The following PAIP2B variants were observed in gnomAD, a reference collection of about 807,000 sequenced individuals.
The protein encoded by PAIP2B is polyadenylate-binding protein-interacting protein 2B.
In PAIP2B, 13 loss-of-function variants were observed where a neutral mutation model predicts 17.0. The ratio of observed to expected loss-of-function variants is 0.76; its 90% CI spans 0.50 to 1.22. PAIP2B has a LOEUF of 1.22. Ranked by LOEUF, PAIP2B falls within the 50% of genes most tolerant of loss-of-function variation. The pLI is 0.00. For missense variants in PAIP2B, 117 were observed against 144.5 expected (o/e 0.81, Z 0.98); for synonymous variants, 43 against 48.7 (o/e 0.88, Z 0.48).
chr2:71,216,344 C>T (rs553276414), intron 1 of PAIP2B, among the ~76,000 whole-genome samples: 1 of 152,270 alleles, frequency 6.6e-6, no homozygotes, highest in South Asian at 2.1e-4. Context: ...AATCTCCTGG[C>T]CTCTCTAAGC....
intron 1 of PAIP2B, among the ~76,000 whole-genome samples, chr2:71,217,903 C>CA (rs1675471396): frequency 1.3e-5 from 2 of 152,028 alleles, no homozygotes; most frequent in South Asian, 2.1e-4. Flanking sequence ...CTTATCTCTA[C>CA]AAAAAATTTT....
rs1307642725 is a variant in PAIP2B, at chr2:71,192,891, G to A, written c.139-2870C>T. The stretch of plus-strand genomic sequence containing the variant: ...TGTCTTTGCTATTGTGAACAGTGCT[G>A]CAATGAACATTTGTGTACATGTGTC... On this transcript the variant is annotated intron_variant, in intron 2 of 3. Coordinates refer to ENST00000244221, the MANE Select transcript of PAIP2B (RefSeq NM_020459.1). Among the ~76,000 whole-genome samples, 16 of 152,134 alleles carry A rather than the reference G, an allele frequency of 1.1e-4. 1 individual carries two copies. The highest frequency in any genetic ancestry group is 1.0e-3 in the Admixed American group (16 of 15,268).
intron 2 of PAIP2B, among the ~76,000 whole-genome samples, chr2:71,198,452 AT>A (rs1674886789): frequency 6.6e-6 from 1 of 151,754 alleles, no homozygotes; most frequent in African/African-American, 2.4e-5. Context: ...CGCCCGGCTA[AT>A]TTTTTGTATT....
intron 1 of PAIP2B, among the ~76,000 whole-genome samples, chr2:71,219,428 T>C (rs1675521135): frequency 6.6e-6 from 1 of 152,210 alleles, no homozygotes; most frequent in African/African-American, 2.4e-5. Context: ...GGATGTGCAC[T>C]ACACAAAGCT....
intron 2 of PAIP2B, among the ~76,000 whole-genome samples, chr2:71,193,729 C>A (rs1213150336): frequency 6.6e-6 from 1 of 152,036 alleles, no homozygotes; most frequent in Non-Finnish European, 1.5e-5. Context: ...TGGCAGGCAC[C>A]TGTAGTCCCA....
intron 2 of PAIP2B, among the ~76,000 whole-genome samples, chr2:71,201,008 G>GGT (rs70959217): frequency 0.012 from 397 of 32,344 alleles, 1 homozygote; most frequent in Admixed American, 0.033. Flanking sequence ...TGTGTGTGTG[G>GGT]GTGTGTGTGT....
chr2:71,196,417 T>C (rs1314785479), intron 2 of PAIP2B, among the ~76,000 whole-genome samples: 1 of 152,216 alleles, frequency 6.6e-6, no homozygotes, highest in Non-Finnish European at 1.5e-5. Flanking sequence ...TGAGGATTGT[T>C]TTATGTCCAA....
chr2:71,198,509 T>A (rs1420103785), intron 2 of PAIP2B, among the ~76,000 whole-genome samples: 1 of 150,582 alleles, frequency 6.6e-6, no homozygotes, highest in Non-Finnish European at 1.5e-5. Flanking sequence ...ATGGTCTCGA[T>A]CTCCTGACCT....
chr2:71,217,375 T>C (rs11689917), intron 1 of PAIP2B, among the ~76,000 whole-genome samples: 1 of 152,194 alleles, frequency 6.6e-6, no homozygotes, highest in Non-Finnish European at 1.5e-5. Context: ...ACTCCTGACC[T>C]CAGGTGATCC....
intron 1 of PAIP2B, among the ~76,000 whole-genome samples, chr2:71,225,009 C>T (rs1380326667): frequency 2.0e-5 from 3 of 152,190 alleles, no homozygotes; most frequent in African/African-American, 4.8e-5. Flanking sequence ...GACACCCAGA[C>T]ATTTGTTGGA....
At chr2:71,221,689 A>T (rs889952792) in intron 1 of PAIP2B, among the ~76,000 whole-genome samples, 1 of 152,232 alleles carries the variant, frequency 6.6e-6, no homozygotes, top group Non-Finnish European at 1.5e-5. Flanking sequence ...TAGAACTGTT[A>T]TACTCTCAAT....
intron 2 of PAIP2B, among the ~76,000 whole-genome samples, chr2:71,196,184 T>C (rs1674813577): frequency 6.6e-6 from 1 of 152,218 alleles, no homozygotes; most frequent in Non-Finnish European, 1.5e-5. Flanking sequence ...AACACTGCCT[T>C]AGCTATGTTC....
chr2:71,209,898 C>G (rs1388706908), intron 1 of PAIP2B, among the ~76,000 whole-genome samples: 1 of 151,798 alleles, frequency 6.6e-6, no homozygotes, highest in East Asian at 1.9e-4. Flanking sequence ...GATCTCAGCT[C>G]ACTGCAACCT....
At chr2:71,203,977 C>A (rs1675058911) in intron 1 of PAIP2B, among the ~76,000 whole-genome samples, 1 of 152,082 alleles carries the variant, frequency 6.6e-6, no homozygotes, top group African/African-American at 2.4e-5. Flanking sequence ...AACAATTCCT[C>A]AAAAATCATT....
intron 1 of PAIP2B, among the ~76,000 whole-genome samples, chr2:71,211,150 G>C (rs188725153): frequency 1.7e-4 from 26 of 152,138 alleles, no homozygotes; most frequent in African/African-American, 4.6e-4. Flanking sequence ...GGGGAGGTAG[G>C]GGGTGAAGCG....
intron 1 of PAIP2B, among the ~76,000 whole-genome samples, chr2:71,221,313 C>G (rs1310313445): frequency 6.6e-6 from 1 of 152,222 alleles, no homozygotes; most frequent in Non-Finnish European, 1.5e-5. Flanking sequence ...TGCCTTTGCA[C>G]CTGCTAGTCT....
At chr2:71,220,400 T>C (rs1216983661) in intron 1 of PAIP2B, among the ~76,000 whole-genome samples, 2 of 152,210 alleles carry the variant, frequency 1.3e-5, no homozygotes, top group African/African-American at 2.4e-5. Flanking sequence ...AATACATGTA[T>C]ATGCATAGAA....
chr2:71,195,741 C>A (rs2103766832), intron 2 of PAIP2B, among the ~76,000 whole-genome samples: 1 of 152,254 alleles, frequency 6.6e-6, no homozygotes, highest in South Asian at 2.1e-4. Context: ...TGGGTTCATG[C>A]ATTCTCCTGC....
At chr2:71,219,924 A>G (rs929443829) in intron 1 of PAIP2B, among the ~76,000 whole-genome samples, 3 of 152,240 alleles carry the variant, frequency 2.0e-5, no homozygotes, top group African/African-American at 7.2e-5. Flanking sequence ...CATATACACT[A>G]TGCCATCCAT....
Sources: gnomAD v4.1 joint callset for allele counts (sites outside exome capture counted in the v4.1 genomes callset) on GRCh38, gnomAD v4.1.1 for gene constraint, MANE v1.5 for transcripts, NCBI Gene and HGNC (gene_info 2026-07-23, HGNC 2026-07-21) for gene names.